The following RYR3 variants were observed in gnomAD, a reference collection of about 807,000 sequenced individuals.
RYR3 encodes ryanodine receptor 3.
A neutral mutation model predicts 584.3 loss-of-function variants in RYR3; 207 were observed. The ratio of observed to expected loss-of-function variants is 0.35; its 90% CI spans 0.32 to 0.40. The LOEUF (loss-of-function observed/expected upper bound fraction) is 0.40, where lower values mean the gene tolerates loss of function less well. RYR3 is among the 10% of genes least tolerant of loss of function. RYR3 has a pLI of 1.00. For missense variants in RYR3, 5,616 were observed against 6,089.2 expected (o/e 0.92, Z 2.59); for synonymous variants, 2,416 against 2,248.5 (o/e 1.07, Z -2.11).
At chr15:33,328,482 C>T (rs536062716) in intron 1 of RYR3, among the ~76,000 whole-genome samples, 3 of 152,306 alleles carry the variant, frequency 2.0e-5, no homozygotes, top group East Asian at 1.9e-4. Flanking sequence ...CAGATGGGTT[C>T]CTTCTCTATC....
At chr15:33,814,471 G>T (rs988267666) in intron 74 of RYR3, among the ~76,000 whole-genome samples, 1 of 152,192 alleles carries the variant, frequency 6.6e-6, no homozygotes, top group Non-Finnish European at 1.5e-5. Context: ...TCACATAAAG[G>T]ACTATTCCTA....
Position 33,831,028 on chromosome 15 carries a change from C to T in RYR3, c.11400C>T (p.His3800=). The change falls in exon 86 of 104, where the codon CAC becomes CAT. Residue 3800 remains histidine (H), a synonymous_variant. Coordinates refer to ENST00000634891, the MANE Select transcript of RYR3 (RefSeq NM_001036.6). ...ACATCATTGATGAATCTGGACAGCA[C>T]AATTTTTCCAAAGCTCTGGCAGTCA... ...GKDIIDESGQ[H]NFSKALAVTK... is the part of the protein sequence containing the mutation. 1 of 1,613,640 alleles carries T rather than the reference C, an allele frequency of 6.2e-7. No homozygotes were observed. Among genetic ancestry groups the T allele is most frequent in the Non-Finnish European group, 8.5e-7 (1 of 1,179,656 alleles).
At chr15:33,731,254 T>C (rs2068919939) in intron 47 of RYR3, among the ~76,000 whole-genome samples, 1 of 133,408 alleles carries the variant, frequency 7.5e-6, no homozygotes, top group Non-Finnish European at 1.7e-5. Flanking sequence ...GATTTTTTTG[T>C]GTGTTTTTTT....
chr15:33,684,238 G>A (rs2064833535), intron 38 of RYR3, among the ~76,000 whole-genome samples: 1 of 152,178 alleles, frequency 6.6e-6, no homozygotes, highest in Admixed American at 6.5e-5. Flanking sequence ...CCAGTAGGGG[G>A]CAACACACAC....
At chr15:33,759,657 A>T (rs1290548496) in intron 60 of RYR3, among the ~76,000 whole-genome samples, 1 of 152,212 alleles carries the variant, frequency 6.6e-6, no homozygotes, top group Non-Finnish European at 1.5e-5. Flanking sequence ...AAAAGACCAA[A>T]CCTACGTTTG....
At chr15:33,424,740 G>C (rs1280918416) in intron 1 of RYR3, among the ~76,000 whole-genome samples, 2 of 152,168 alleles carry the variant, frequency 1.3e-5, no homozygotes, top group African/African-American at 4.8e-5. Context: ...GGGGGTTTTT[G>C]TGAACTCTTC....
At chr15:33,770,121 TA>T (rs5811792) in intron 62 of RYR3, among the ~76,000 whole-genome samples, 55 of 143,574 alleles carry the variant, frequency 3.8e-4, no homozygotes, top group Middle Eastern at 3.5e-3. Flanking sequence ...ACCTCATCTT[TA>T]AAAAAAAAAA....
chr15:33,368,837 T>C (rs1405887953), intron 1 of RYR3, among the ~76,000 whole-genome samples: 3 of 152,082 alleles, frequency 2.0e-5, no homozygotes, highest in Admixed American at 6.6e-5. Context: ...CTCCTAAACT[T>C]AGAGCGAGGT....
At chr15:33,709,671 A>G (rs994343498) in intron 43 of RYR3, among the ~76,000 whole-genome samples, 2 of 152,196 alleles carry the variant, frequency 1.3e-5, no homozygotes, top group African/African-American at 4.8e-5. Flanking sequence ...ATGCAGTGAG[A>G]AGGCCCTTAA....
In RYR3 at chr15:33,670,467, C is replaced by T; in HGVS notation, c.5771C>T (p.Thr1924Ile). 1.9e-6 allele frequency: 3 copies of T among 1,612,222 alleles called. No homozygotes were observed. The highest frequency in any genetic ancestry group is 2.5e-6 in the Non-Finnish European group (3 of 1,179,344). The change falls in exon 38 of 104, where the codon ACA becomes ATA. Residue 1924 changes from threonine (T) to isoleucine (I), a missense_variant. Thr to Ile is a moderately conservative substitution (Grantham distance 89). This residue lies in a region of RYR3 where 1,280 missense variants were observed against 1,426.2 expected (regional missense o/e 0.90). Coordinates refer to ENST00000634891, the MANE Select transcript of RYR3 (RefSeq NM_001036.6). Reference protein sequence around the residue: ...EEEEEEDTSWTGKLCALVYKI... With the variant: ...EEEEEEDTSWIGKLCALVYKI... The stretch of plus-strand genomic sequence containing the variant: ...GAGGAGGAGGAGGACACCTCCTGGA[C>T]AGGAAAACTCTGTGCCTTGGTTTAC...
chr15:33,610,767 A>C (rs2060141578), intron 18 of RYR3, among the ~76,000 whole-genome samples: 1 of 152,230 alleles, frequency 6.6e-6, no homozygotes, highest in Non-Finnish European at 1.5e-5. Context: ...AATGGGACTC[A>C]ACTCTAAACA....
chr15:33,786,103 C>T, intron 66 of RYR3, 121 bp downstream of exon 66: 1 of 782,254 alleles, frequency 1.3e-6, no homozygotes, highest in East Asian at 2.7e-5. Context: ...TTAAACCTCC[C>T]CATGCCCACC....
At chr15:33,828,358 T>C (rs1351860587) in intron 85 of RYR3, among the ~76,000 whole-genome samples, 1 of 152,122 alleles carries the variant, frequency 6.6e-6, no homozygotes, top group Non-Finnish European at 1.5e-5. Context: ...GAGTCACACA[T>C]CTCCCACTTT....
intron 16 of RYR3, among the ~76,000 whole-genome samples, chr15:33,589,964 C>G (rs1422856319): frequency 2.0e-5 from 3 of 152,134 alleles, no homozygotes; most frequent in Non-Finnish European, 4.4e-5. Context: ...GTTGATTTCA[C>G]CTGGGTGCAG....
chr15:33,618,159 A>G (rs2060545357), intron 19 of RYR3, among the ~76,000 whole-genome samples: 1 of 151,058 alleles, frequency 6.6e-6, no homozygotes, highest in African/African-American at 2.5e-5. Context: ...TTTGGGTGCT[A>G]ATTTTTTTTT....
intron 11 of RYR3, among the ~76,000 whole-genome samples, chr15:33,566,322 G>T (rs1471923727): frequency 7.9e-5 from 12 of 152,332 alleles, no homozygotes; most frequent in African/African-American, 2.9e-4. Context: ...TTTGAACACA[G>T]TGACTTTTCC....
At chr15:33,803,221 A>G (rs1457114311) in intron 69 of RYR3, among the ~76,000 whole-genome samples, 1 of 152,250 alleles carries the variant, frequency 6.6e-6, no homozygotes, top group African/African-American at 2.4e-5. Flanking sequence ...TTTGACAAAC[A>G]AAATTACGTA....
intron 67 of RYR3, among the ~76,000 whole-genome samples, chr15:33,799,821 A>G (rs2075825514): frequency 6.6e-6 from 1 of 152,200 alleles, no homozygotes; most frequent in African/African-American, 2.4e-5. Context: ...AGTTAGTGTC[A>G]TATTTGAATT....
At chr15:33,374,903 T>A (rs1346662506) in intron 1 of RYR3, among the ~76,000 whole-genome samples, 1 of 152,230 alleles carries the variant, frequency 6.6e-6, no homozygotes, top group African/African-American at 2.4e-5. Flanking sequence ...TGGTGCTCCT[T>A]GCTTCTAAAT....
Sources: gnomAD v4.1 joint callset for allele counts (sites outside exome capture counted in the v4.1 genomes callset) on GRCh38, gnomAD v4.1.1 for gene constraint, gnomAD v4.1.1 regional missense constraint, MANE v1.5 for transcripts, NCBI Gene and HGNC (gene_info 2026-07-23, HGNC 2026-07-21) for gene names.